Variants in DLGAP1 observed in about 807,000 individuals in gnomAD.
DLGAP1 encodes the protein disks large-associated protein 1.
A neutral mutation model predicts 90.8 loss-of-function variants in DLGAP1; 11 were observed. The observed-to-expected ratio is 0.12, with a 90% confidence interval of 0.08 to 0.20. DLGAP1 has a LOEUF of 0.20. DLGAP1 is among the 10% of genes least tolerant of loss of function. The pLI is 1.00. For synonymous variants in DLGAP1, 558 were observed against 540.7 expected, an observed-to-expected ratio of 1.03 and a Z score of -0.44; for missense variants, 1,050 against 1,333.8, an observed-to-expected ratio of 0.79 and a Z score of 3.31.
At chr18:3,996,011 T>C (rs780969589) in intron 3 of DLGAP1, among the ~76,000 whole-genome samples, 2 of 152,136 alleles carry the variant, frequency 1.3e-5, no homozygotes, top group Non-Finnish European at 2.9e-5. Context: ...ATGTAAGAAA[T>C]ACTGTATTAC....
chr18:3,827,369 C>T (rs911759935), intron 4 of DLGAP1, among the ~76,000 whole-genome samples: 1 of 152,156 alleles, frequency 6.6e-6, no homozygotes, highest in African/African-American at 2.4e-5. Flanking sequence ...GGTGTGTTGT[C>T]GGTCCTGGAA....
intron 7 of DLGAP1, among the ~76,000 whole-genome samples, chr18:3,604,925 T>C (rs2057256532): frequency 6.6e-6 from 1 of 152,216 alleles, no homozygotes; most frequent in African/African-American, 2.4e-5. Context: ...CCCGGATCTG[T>C]GTACATACTG....
chr18:3,854,136 A>T (rs1173982572), intron 4 of DLGAP1, among the ~76,000 whole-genome samples: 4 of 152,196 alleles, frequency 2.6e-5, no homozygotes, highest in Non-Finnish European at 5.9e-5. Flanking sequence ...CCTGTAACAA[A>T]GTAATATGCT....
intron 4 of DLGAP1, among the ~76,000 whole-genome samples, chr18:3,854,756 G>C (rs201186626): frequency 6.6e-6 from 1 of 152,000 alleles, no homozygotes; most frequent in African/African-American, 2.4e-5. Flanking sequence ...GTATGATTTC[G>C]TGTGAAAAAA....
chr18:4,368,636 TACACACACACACACACACACAC>T (rs55840615), intron 1 of DLGAP1, among the ~76,000 whole-genome samples: 11 of 134,930 alleles, frequency 8.2e-5, no homozygotes, highest in Admixed American at 5.3e-4. Context: ...CTCTCTCTCA[TACACACACACACACACACACAC>T]ACACACACAC....
rs9950379 is a variant in DLGAP1, at chr18:3,672,179, C to G, written c.1591+56956G>C. On this transcript the variant is annotated intron_variant, in intron 7 of 12. Coordinates refer to ENST00000315677, the MANE Select transcript of DLGAP1 (RefSeq NM_004746.4). Reference sequence around the variant, plus strand: ...TCAATGGGAGAAAATGTGATTATTACTAATCATTCAACTGCTGATTAGACA... The same window carrying G: ...TCAATGGGAGAAAATGTGATTATTAGTAATCATTCAACTGCTGATTAGACA... 7.1e-3 allele frequency among the ~76,000 whole-genome samples: 1,041 copies of G among 146,518 alleles called. 12 individuals are homozygous for G. Among genetic ancestry groups the G allele is most frequent in the African/African-American group, 0.025 (1,000 of 39,498 alleles).
At chr18:3,568,351 T>C (rs567103707) in intron 8 of DLGAP1, among the ~76,000 whole-genome samples, 50 of 152,316 alleles carry the variant, frequency 3.3e-4, no homozygotes, top group Admixed American at 9.2e-4. Context: ...AATAAAGAAT[T>C]GACTTTGAAT....
At chr18:4,406,914 T>A (rs1247869246) in intron 1 of DLGAP1, among the ~76,000 whole-genome samples, 1 of 152,202 alleles carries the variant, frequency 6.6e-6, no homozygotes, top group African/African-American at 2.4e-5. Flanking sequence ...AATGTTGACT[T>A]TGGTTGGCAA....
intron 1 of DLGAP1, among the ~76,000 whole-genome samples, chr18:4,345,343 C>T (rs1283838752): frequency 2.0e-5 from 3 of 152,104 alleles, no homozygotes; most frequent in East Asian, 1.9e-4. Flanking sequence ...GTAAAACTGG[C>T]AATGTAATAT....
intron 2 of DLGAP1, among the ~76,000 whole-genome samples, chr18:4,081,480 T>C (rs974163388): frequency 1.3e-5 from 2 of 152,068 alleles, no homozygotes; most frequent in African/African-American, 2.4e-5. Context: ...CCCCAAAATA[T>C]GGTGCTTTGA....
intron 1 of DLGAP1, among the ~76,000 whole-genome samples, chr18:4,239,085 CAG>C (rs987089218): frequency 1.3e-5 from 2 of 152,158 alleles, no homozygotes; most frequent in Non-Finnish European, 2.9e-5. Flanking sequence ...TGCACAACTT[CAG>C]AGAGTGCTGT....
At chr18:3,914,699 C>T (rs1276345470) in intron 3 of DLGAP1, among the ~76,000 whole-genome samples, 2 of 152,256 alleles carry the variant, frequency 1.3e-5, no homozygotes, top group East Asian at 3.9e-4. Context: ...CAAGGGTTCC[C>T]TTTTCTCTAC....
chr18:4,056,820 C>A (rs559863262), intron 2 of DLGAP1, among the ~76,000 whole-genome samples: 1 of 151,986 alleles, frequency 6.6e-6, no homozygotes, highest in African/African-American at 2.4e-5. Flanking sequence ...TCTACAGAGC[C>A]CTTTTATTTT....
chr18:4,424,831 G>T (rs562125324), intron 1 of DLGAP1, among the ~76,000 whole-genome samples: 170 of 152,120 alleles, frequency 1.1e-3, no homozygotes, highest in Non-Finnish European at 2.2e-3. Flanking sequence ...TACTAAATTT[G>T]CACCTTATTC....
chr18:3,907,949 C>A (rs1156717760), intron 3 of DLGAP1, among the ~76,000 whole-genome samples: 1 of 152,144 alleles, frequency 6.6e-6, no homozygotes, highest in East Asian at 1.9e-4. Flanking sequence ...ATTCTGAGTT[C>A]TATGTGTTGA....
chr18:4,008,928 G>T (rs1391662521), intron 2 of DLGAP1, among the ~76,000 whole-genome samples: 1 of 151,984 alleles, frequency 6.6e-6, no homozygotes, highest in Admixed American at 6.5e-5. Flanking sequence ...TTTTGAAACG[G>T]AGTCTCGCTC....
intron 7 of DLGAP1, among the ~76,000 whole-genome samples, chr18:3,709,430 G>A (rs898736333): frequency 3.9e-5 from 6 of 152,174 alleles, no homozygotes; most frequent in Admixed American, 3.3e-4. Context: ...TCGAATGTGA[G>A]CTGAACTGTT....
chr18:3,889,888 G>T (rs2071414676), intron 3 of DLGAP1, among the ~76,000 whole-genome samples: 1 of 152,208 alleles, frequency 6.6e-6, no homozygotes, highest in South Asian at 2.1e-4. Flanking sequence ...CCCTACAGAG[G>T]GAGTGTGTGT....
At chr18:4,023,225 C>A (rs2074643375) in intron 2 of DLGAP1, among the ~76,000 whole-genome samples, 3 of 152,064 alleles carry the variant, frequency 2.0e-5, no homozygotes. Context: ...CTGTGAATTG[C>A]CTATTCAGAG....
Sources: gnomAD v4.1 joint callset for allele counts (sites outside exome capture counted in the v4.1 genomes callset) on GRCh38, gnomAD v4.1.1 for gene constraint, MANE v1.5 for transcripts, NCBI Gene and HGNC (gene_info 2026-07-23, HGNC 2026-07-21) for gene names.